Variants in CADPS2 observed in about 807,000 individuals in gnomAD.
The protein encoded by CADPS2 is calcium-dependent secretion activator 2.
Under a neutral mutation model 172.5 loss-of-function variants are expected in CADPS2, and 93 were observed. The ratio of observed to expected loss-of-function variants is 0.54; its 90% CI spans 0.46 to 0.64. CADPS2 has a LOEUF of 0.64. CADPS2 is among the 30% of genes least tolerant of loss of function. The probability of loss-of-function intolerance (pLI) is 0.00; values close to 1 mark genes in which losing one functional copy is unlikely to be tolerated. For missense variants in CADPS2, 1,420 were observed against 1,565.9 expected (o/e 0.91, Z 1.57); for synonymous variants, 546 against 555.2 (o/e 0.98, Z 0.23).
At chr7:122,693,634 T>C (rs756424909) in intron 2 of CADPS2, among the ~76,000 whole-genome samples, 2 of 152,144 alleles carry the variant, frequency 1.3e-5, no homozygotes, top group Non-Finnish European at 2.9e-5. Flanking sequence ...AGCCAAGGTT[T>C]TGAAGTACTA....
intron 1 of CADPS2, among the ~76,000 whole-genome samples, chr7:122,783,433 G>A (rs371802142): frequency 2.0e-5 from 3 of 152,076 alleles, no homozygotes; most frequent in African/African-American, 7.2e-5. Flanking sequence ...CTGCCGCAGC[G>A]TTCCTCACAT....
At position 122,323,873 on chromosome 7, in the gene CADPS2, TTATATATATATA is replaced by T. The variant is rs71159788; in HGVS notation, c.3717+1592_3717+1603del. ...TGCATATTATATACATATGTATATT[TTATATATATATA>T]TATATATATATATATATATATATAT... On this transcript the variant is annotated intron_variant, in intron 29 of 29. Transcript: ENST00000449022. 2.5e-3 allele frequency among the ~76,000 whole-genome samples: 277 copies of T among 112,456 alleles called. 3 individuals are homozygous for T. Among genetic ancestry groups the T allele is most frequent in the East Asian group, 0.01 (42 of 4,066 alleles). The allele number at this position is 112,456 out of a possible 152,430, so 73.8% of individuals were successfully genotyped here. A position where few individuals can be genotyped will look rare whatever the true frequency, so the allele number is the denominator to read the frequency against.
At chr7:122,601,970 A>G (rs2072850263) in intron 6 of CADPS2, among the ~76,000 whole-genome samples, 1 of 152,060 alleles carries the variant, frequency 6.6e-6, no homozygotes, top group Non-Finnish European at 1.5e-5. Context: ...AAAAACATTC[A>G]GCTTGCCATT....
intron 25 of CADPS2, among the ~76,000 whole-genome samples, chr7:122,369,068 C>G (rs1435487944): frequency 6.6e-6 from 1 of 151,390 alleles, no homozygotes; most frequent in African/African-American, 2.4e-5. Flanking sequence ...TTTAATGCTC[C>G]TATTTTTTTT....
At chr7:122,645,317 A>G (rs1423355167) in intron 3 of CADPS2, among the ~76,000 whole-genome samples, 5 of 128,782 alleles carry the variant, frequency 3.9e-5, no homozygotes, top group Admixed American at 7.8e-5. Flanking sequence ...ACATGTGTGT[A>G]TACATGTACA....
At chr7:122,612,399 T>C (rs1012677873) in intron 6 of CADPS2, among the ~76,000 whole-genome samples, 3 of 151,968 alleles carry the variant, frequency 2.0e-5, no homozygotes, top group East Asian at 3.9e-4. Flanking sequence ...TTCTAATAAC[T>C]TGAATGATTT....
chr7:122,570,040 A>G (rs924946446), intron 7 of CADPS2, among the ~76,000 whole-genome samples: 2 of 150,628 alleles, frequency 1.3e-5, no homozygotes, highest in Non-Finnish European at 2.9e-5. Flanking sequence ...ATGGGATCTA[A>G]TTAAACTAAA....
At chr7:122,873,621 C>T (rs1382412723) in intron 1 of CADPS2, among the ~76,000 whole-genome samples, 1 of 152,152 alleles carries the variant, frequency 6.6e-6, no homozygotes, top group Non-Finnish European at 1.5e-5. Context: ...AATAGTGCTA[C>T]AGTAAACGTA....
chr7:122,437,197 G>C (rs1297503674), intron 17 of CADPS2, among the ~76,000 whole-genome samples: 7 of 152,008 alleles, frequency 4.6e-5, no homozygotes, highest in African/African-American at 1.7e-4. Flanking sequence ...CATTGCTTTT[G>C]CTTTAACACA....
At position 122,565,747 on chromosome 7, in the gene CADPS2, A is replaced by G. The variant is rs180763537; in HGVS notation, c.1336-11058T>C. Among the ~76,000 whole-genome samples, 527 of 152,332 alleles carry G rather than the reference A, an allele frequency of 3.5e-3. 3 individuals are homozygous for G. Among genetic ancestry groups the G allele is most frequent in the Non-Finnish European group, 5.9e-3 (400 of 68,024 alleles). ...ATTATACATATTTACACTATACAAC[A>G]TGTTTTAATATCCATCTAACATAGT... is the stretch of plus-strand genomic sequence containing the variant. On this transcript the variant is annotated intron_variant, in intron 7 of 29. Transcript: ENST00000449022.
chr7:122,323,327 C>A (rs930224333), intron 29 of CADPS2, among the ~76,000 whole-genome samples: 1 of 151,896 alleles, frequency 6.6e-6, no homozygotes, highest in African/African-American at 2.4e-5. Flanking sequence ...AAATTAATTT[C>A]ATATTTATTG....
chr7:122,836,788 G>A (rs1044551744), intron 1 of CADPS2, among the ~76,000 whole-genome samples: 2 of 152,158 alleles, frequency 1.3e-5, no homozygotes, highest in African/African-American at 4.8e-5. Context: ...CAAGGCCTTA[G>A]AGATCTACAG....
At chr7:122,500,437 C>A (rs896067634) in intron 9 of CADPS2, among the ~76,000 whole-genome samples, 7 of 152,146 alleles carry the variant, frequency 4.6e-5, no homozygotes, top group Non-Finnish European at 5.9e-5. Context: ...AGTTTAACAG[C>A]ACACATAACT....
chr7:122,495,144 C>T (rs1163136924), intron 9 of CADPS2, among the ~76,000 whole-genome samples: 1 of 152,040 alleles, frequency 6.6e-6, no homozygotes, highest in Non-Finnish European at 1.5e-5. Context: ...TGAAATATCT[C>T]CAACATAAAG....
intron 28 of CADPS2, among the ~76,000 whole-genome samples, chr7:122,328,157 ACACGCACG>A (rs1554431010): frequency 2.2e-4 from 24 of 110,150 alleles, no homozygotes; most frequent in Non-Finnish European, 3.7e-4. Context: ...ACACACACAC[ACACGCACG>A]CACACACCTT....
chr7:122,737,054 C>T lies in CADPS2; in HGVS notation c.354G>A (p.Gln118=). Residue 118 remains glutamine, a synonymous_variant, in exon 2 of 30, where the codon CAG becomes CAA. Coordinates refer to ENST00000449022, the MANE Select transcript of CADPS2 (RefSeq NM_017954.11). ...GGAACCGTTCTTTCAGTAACTGCAA[C>T]TGTTGTTTGTTAAGCTACAAGAAAA... ...ARRQQKLNKQ[Q]LQLLKERFQA... is the part of the protein sequence containing the mutation. 1 of 1,595,852 alleles carries T rather than the reference C, an allele frequency of 6.3e-7. No individual in the cohort carries two copies. The highest frequency in any genetic ancestry group is 2.2e-5 in the East Asian group (1 of 44,672).
At position 122,540,081 on chromosome 7, in the gene CADPS2, C is replaced by T. The variant is rs528555238; in HGVS notation, c.1475+14469G>A. Among the ~76,000 whole-genome samples, 4 of 152,068 alleles carry T rather than the reference C, an allele frequency of 2.6e-5. No individual in the cohort carries two copies. In the East Asian group the frequency reaches 5.8e-4, roughly 22 times the overall value. ...ATTTTCAGTTAATTTATTTTAGCTGCGTATTTGAGATTTAGTCTAGAATTT... is the reference window on the plus strand; with the variant it reads ...ATTTTCAGTTAATTTATTTTAGCTGTGTATTTGAGATTTAGTCTAGAATTT... On this transcript the variant is annotated intron_variant, in intron 8 of 29. Coordinates refer to ENST00000449022, the MANE Select transcript of CADPS2 (RefSeq NM_017954.11).
chr7:122,331,221 T>C (rs2034890993), intron 28 of CADPS2: 1 of 152,138 alleles, frequency 6.6e-6, no homozygotes. Context: ...AACAATAAAG[T>C]ATACTGAGGA....
chr7:122,558,410 A>G (rs988135777), intron 7 of CADPS2, among the ~76,000 whole-genome samples: 3 of 152,138 alleles, frequency 2.0e-5, no homozygotes, highest in African/African-American at 4.8e-5. Context: ...TTTGTTCTTT[A>G]CCATTCGTTT....
Sources: allele counts gnomAD v4.1 joint callset (sites outside exome capture counted in the v4.1 genomes callset), GRCh38; gene constraint gnomAD v4.1.1; transcripts MANE v1.5; gene names NCBI Gene and HGNC (gene_info 2026-07-23, HGNC 2026-07-21).